Variants in TMEM74 observed in about 807,000 individuals in gnomAD.
The protein encoded by TMEM74 is transmembrane protein 74.
A neutral mutation model predicts 18.1 loss-of-function variants in TMEM74; 13 were observed. The ratio of observed to expected loss-of-function variants is 0.72; its 90% CI spans 0.47 to 1.14. The LOEUF (loss-of-function observed/expected upper bound fraction) is 1.14, where lower values mean the gene tolerates loss of function less well. Among genes scored for constraint, TMEM74 ranks in the 50% most tolerant of loss-of-function variants. TMEM74 has a pLI of 0.00. For synonymous variants in TMEM74, 159 were observed against 146.6 expected, an observed-to-expected ratio of 1.08 and a Z score of -0.61; for missense variants, 372 against 375.9, an observed-to-expected ratio of 0.99 and a Z score of 0.09.
intron 1 of TMEM74, among the ~76,000 whole-genome samples, chr8:108,712,996 G>A (rs1813488467): frequency 6.6e-6 from 1 of 152,116 alleles, no homozygotes; most frequent in Admixed American, 6.5e-5. Flanking sequence ...AATGAGACCT[G>A]GGATTCTGCA....
Position 108,715,016 on chromosome 8 carries a change from G to A in TMEM74, n.120-59579C>T, listed in dbSNP as rs577061790. On this transcript the variant is annotated intron_variant and non_coding_transcript_variant, in intron 1 of 3. Transcript: ENST00000518838. Reference sequence around the variant, plus strand: ...ATAAACACAACATAAACACAACTCCGATATTTAAGCATTCTATATTGTATC... The same window carrying A: ...ATAAACACAACATAAACACAACTCCAATATTTAAGCATTCTATATTGTATC... 8.6e-5 allele frequency among the ~76,000 whole-genome samples: 13 copies of A among 151,998 alleles called. No homozygotes were observed. In the South Asian group the frequency reaches 2.1e-3, roughly 24 times the overall value.
intron 2 of TMEM74, among the ~76,000 whole-genome samples, chr8:108,610,975 A>G (rs957855216): frequency 7.9e-5 from 12 of 152,196 alleles, no homozygotes; most frequent in African/African-American, 2.9e-4. Context: ...TTTTGGATGA[A>G]TGGTGCTCAG....
intron 1 of TMEM74, among the ~76,000 whole-genome samples, chr8:108,669,316 G>A (rs900888371): frequency 6.6e-6 from 1 of 152,044 alleles, no homozygotes; most frequent in African/African-American, 2.4e-5. Context: ...AAGAAGGAGC[G>A]GATATAAGGA....
intron 2 of TMEM74, among the ~76,000 whole-genome samples, chr8:108,635,557 C>A (rs1233731854): frequency 1.3e-5 from 2 of 152,148 alleles, no homozygotes; most frequent in African/African-American, 2.4e-5. Context: ...TTTAAACACA[C>A]CTTTAGACCA....
At chr8:108,772,987 A>C (rs1814190411) in intron 1 of TMEM74, among the ~76,000 whole-genome samples, 1 of 152,182 alleles carries the variant, frequency 6.6e-6, no homozygotes, top group Non-Finnish European at 1.5e-5. Flanking sequence ...TAACTACATA[A>C]GCATCAATAA....
intron 1 of TMEM74, among the ~76,000 whole-genome samples, chr8:108,750,612 G>A (rs746297405): frequency 2.6e-4 from 39 of 152,082 alleles, no homozygotes; most frequent in Admixed American, 1.6e-3. Context: ...AGACACCAGG[G>A]AGAAGAAACT....
In TMEM74 at chr8:108,657,877, T is replaced by TATATTAATTAC. The variant is rs1812857475; in HGVS notation, n.120-2441_120-2440insGTAATTAATAT. On this transcript the variant is annotated intron_variant and non_coding_transcript_variant, in intron 1 of 3. Coordinates refer to the TMEM74 transcript ENST00000518838. The stretch of plus-strand genomic sequence containing the variant: ...AAAAAAAAATATATATATATATATA[T>TATATTAATTAC]ATATATATATATATATATATATATA... 3.9e-4 allele frequency among the ~76,000 whole-genome samples: 28 copies of TATATTAATTAC among 70,896 alleles called. No homozygotes were observed. The South Asian group carries it at 0.013, about 32-fold the overall frequency. 46.5% of individuals were successfully genotyped at this position (70,896 alleles called of 152,430 possible). A position where few individuals can be genotyped will look rare whatever the true frequency, so the allele number is the denominator to read the frequency against.
At chr8:108,776,966 T>C (rs1265344533), downstream of TMEM74, among the ~76,000 whole-genome samples, 1 of 152,180 alleles carries the variant, frequency 6.6e-6, no homozygotes, top group Non-Finnish European at 1.5e-5. Context: ...CCCAAGTACC[T>C]ACAAAAACTC....
chr8:108,674,828 A>G (rs1813037933), intron 1 of TMEM74, among the ~76,000 whole-genome samples: 1 of 152,182 alleles, frequency 6.6e-6, no homozygotes, highest in Non-Finnish European at 1.5e-5. Context: ...CTGTGAGTTA[A>G]TACACGCAGC....
chr8:108,761,147 A>C (rs1814039353), intron 1 of TMEM74, among the ~76,000 whole-genome samples: 2 of 152,074 alleles, frequency 1.3e-5, no homozygotes, highest in South Asian at 4.1e-4. Flanking sequence ...AGTATAACTG[A>C]AACTAAATAT....
At chr8:108,713,008 A>T (rs997488049) in intron 1 of TMEM74, among the ~76,000 whole-genome samples, 1 of 152,178 alleles carries the variant, frequency 6.6e-6, no homozygotes, top group Non-Finnish European at 1.5e-5. Context: ...GATTCTGCAC[A>T]CAGAAAAAAA....
chr8:108,610,775 C>A (rs1812326586), intron 2 of TMEM74, among the ~76,000 whole-genome samples: 1 of 152,134 alleles, frequency 6.6e-6, no homozygotes, highest in Non-Finnish European at 1.5e-5. Context: ...CAGGAGGGGG[C>A]TTAAAGGATC....
chr8:108,713,913 G>T (rs994756809), intron 1 of TMEM74, among the ~76,000 whole-genome samples: 1 of 152,202 alleles, frequency 6.6e-6, no homozygotes, highest in Non-Finnish European at 1.5e-5. Context: ...GGGGGCCACT[G>T]GTGTAAGTCT....
chr8:108,686,478 A>T (rs1487738450), intron 1 of TMEM74, among the ~76,000 whole-genome samples: 1 of 152,150 alleles, frequency 6.6e-6, no homozygotes, highest in African/African-American at 2.4e-5. Flanking sequence ...CTGAGATTAC[A>T]GGCGTGACCC....
intron 1 of TMEM74, among the ~76,000 whole-genome samples, chr8:108,765,283 G>A (rs1814091466): frequency 6.6e-6 from 1 of 152,060 alleles, no homozygotes; most frequent in African/African-American, 2.4e-5. Context: ...CACTGTCAGT[G>A]ATACTGGAAT....
At chr8:108,722,901 G>A (rs1813599531) in intron 1 of TMEM74, among the ~76,000 whole-genome samples, 2 of 152,204 alleles carry the variant, frequency 1.3e-5, no homozygotes, top group South Asian at 4.1e-4. Flanking sequence ...CCTGATGGCT[G>A]CATATGCTAG....
intron 1 of TMEM74, among the ~76,000 whole-genome samples, chr8:108,772,066 G>A (rs987513923): frequency 2.0e-5 from 3 of 152,040 alleles, no homozygotes; most frequent in African/African-American, 7.2e-5. Context: ...CCTGGTTAGA[G>A]TGAATATTTC....
intron 1 of TMEM74, among the ~76,000 whole-genome samples, chr8:108,714,645 C>T (rs774785979): frequency 1.4e-4 from 22 of 152,154 alleles, no homozygotes; most frequent in Non-Finnish European, 2.5e-4. Context: ...GAACTCAGAA[C>T]TACCAGTTGA....
chr8:108,635,255 A>G (rs1188726620), intron 2 of TMEM74, among the ~76,000 whole-genome samples: 1 of 151,760 alleles, frequency 6.6e-6, no homozygotes, highest in Non-Finnish European at 1.5e-5. Flanking sequence ...CCTCAACAGT[A>G]TGGCTGGTCT....
Sources: allele counts gnomAD v4.1 joint callset (sites outside exome capture counted in the v4.1 genomes callset), GRCh38; gene constraint gnomAD v4.1.1; transcripts MANE v1.5; gene names NCBI Gene and HGNC (gene_info 2026-07-23, HGNC 2026-07-21).